The following NRG3 variants were observed in gnomAD, a reference collection of about 807,000 sequenced individuals.
NRG3 encodes pro-neuregulin-3, membrane-bound isoform.
Under a neutral mutation model 66.9 loss-of-function variants are expected in NRG3, and 31 were observed. The ratio of observed to expected loss-of-function variants is 0.46; its 90% CI spans 0.35 to 0.63. The LOEUF is 0.63. Among genes scored for constraint, NRG3 ranks in the 20% least tolerant of loss-of-function variants. The pLI is 0.00. For synonymous variants in NRG3, 393 were observed against 359.4 expected (o/e 1.09, Z -1.06); for missense variants, 910 against 878.9 (o/e 1.04, Z -0.45).
chr10:81,879,875 A>C (rs1454411201), intron 1 of NRG3, among the ~76,000 whole-genome samples: 1 of 152,200 alleles, frequency 6.6e-6, no homozygotes, highest in Non-Finnish European at 1.5e-5. Context: ...TGTTTAAATA[A>C]AGTTACTTCT....
intron 1 of NRG3, among the ~76,000 whole-genome samples, chr10:82,300,759 G>T (rs916151939): frequency 6.6e-6 from 1 of 151,998 alleles, no homozygotes; most frequent in African/African-American, 2.4e-5. Context: ...TTATGAAATG[G>T]TTGAATTTCA....
intron 1 of NRG3, among the ~76,000 whole-genome samples, chr10:82,331,388 T>G (rs1225671931): frequency 6.6e-6 from 1 of 152,196 alleles, no homozygotes; most frequent in East Asian, 1.9e-4. Context: ...TGGACCACAC[T>G]ATAAAAATTC....
At chr10:82,190,520 T>G (rs1019103035) in intron 1 of NRG3, among the ~76,000 whole-genome samples, 1 of 152,198 alleles carries the variant, frequency 6.6e-6, no homozygotes, top group Non-Finnish European at 1.5e-5. Context: ...TAAAAACATG[T>G]GATTTTTCCT....
intron 3 of NRG3, among the ~76,000 whole-genome samples, chr10:82,804,597 T>C (rs535567138): frequency 1.3e-5 from 2 of 152,318 alleles, no homozygotes; most frequent in East Asian, 3.9e-4. Context: ...AGAAAATCAA[T>C]TATCTTCTTC....
At position 82,474,926 on chromosome 10, in the gene NRG3, C is replaced by T. The variant is rs1841624762; in HGVS notation, c.953+116058C>T. On this transcript the variant is annotated intron_variant, in intron 2 of 8. Coordinates refer to ENST00000372141, the MANE Select transcript of NRG3 (RefSeq NM_001010848.4). ...CTTCTAAGATTATCAGCATATTTCT[C>T]TTGAGAAACACTGCAGGCCAGAGGG... 1.3e-5 allele frequency among the ~76,000 whole-genome samples: 2 copies of T among 151,664 alleles called. 1 individual carries two copies. The highest frequency in any genetic ancestry group is 1.3e-4 in the Admixed American group (2 of 15,218).
intron 1 of NRG3, among the ~76,000 whole-genome samples, chr10:82,203,768 G>C (rs140463869): frequency 6.6e-6 from 1 of 152,106 alleles, no homozygotes; most frequent in Non-Finnish European, 1.5e-5. Flanking sequence ...GATGTTCTTT[G>C]ATGAACAAGG....
intron 2 of NRG3, among the ~76,000 whole-genome samples, chr10:82,362,124 C>T (rs561411842): frequency 8.6e-6 from 1 of 116,264 alleles, no homozygotes; most frequent in African/African-American, 3.5e-5. Context: ...AATAATAATC[C>T]CAGAAAAGGG....
intron 1 of NRG3, among the ~76,000 whole-genome samples, chr10:81,877,165 T>G (rs1271036630): frequency 6.6e-6 from 1 of 152,212 alleles, no homozygotes; most frequent in East Asian, 1.9e-4. Context: ...TTTATTTGTA[T>G]AGAAAGTGCG....
chr10:82,095,642 G>A (rs2066291154), intron 1 of NRG3, among the ~76,000 whole-genome samples: 1 of 152,178 alleles, frequency 6.6e-6, no homozygotes, highest in African/African-American at 2.4e-5. Flanking sequence ...TGAACTAGCT[G>A]CTGGGAAAGG....
intron 4 of NRG3, among the ~76,000 whole-genome samples, chr10:82,939,329 C>A (rs1848364990): frequency 6.6e-6 from 1 of 152,138 alleles, no homozygotes; most frequent in African/African-American, 2.4e-5. Context: ...CCTTAAATAT[C>A]AACTTTAACT....
At chr10:82,716,971 C>T (rs1350398619) in intron 2 of NRG3, among the ~76,000 whole-genome samples, 1 of 152,098 alleles carries the variant, frequency 6.6e-6, no homozygotes, top group Non-Finnish European at 1.5e-5. Context: ...TCTATTTAAT[C>T]AGTGAAAATA....
intron 1 of NRG3, among the ~76,000 whole-genome samples, chr10:82,056,600 A>G (rs1469869480): frequency 6.6e-6 from 1 of 152,024 alleles, no homozygotes; most frequent in Non-Finnish European, 1.5e-5. Flanking sequence ...AGAGCCAGGA[A>G]CTACAGTCTT....
chr10:81,956,849 G>T (rs1411216727), intron 1 of NRG3, among the ~76,000 whole-genome samples: 5 of 152,006 alleles, frequency 3.3e-5, no homozygotes, highest in African/African-American at 1.2e-4. Flanking sequence ...TGTGCTACCT[G>T]GTGTCTTTTT....
At chr10:82,011,443 C>T (rs2132638893) in intron 1 of NRG3, among the ~76,000 whole-genome samples, 1 of 152,206 alleles carries the variant, frequency 6.6e-6, no homozygotes, top group African/African-American at 2.4e-5. Context: ...ACCCCCGGCC[C>T]CTCTCAAATC....
At chr10:81,938,359 G>C (rs1337223832) in intron 1 of NRG3, among the ~76,000 whole-genome samples, 1 of 151,004 alleles carries the variant, frequency 6.6e-6, no homozygotes, top group East Asian at 1.9e-4. Flanking sequence ...CCATGGCCAT[G>C]GGATATCATG....
intron 3 of NRG3, among the ~76,000 whole-genome samples, chr10:82,823,360 C>A (rs1010915398): frequency 6.6e-6 from 1 of 152,130 alleles, no homozygotes. Flanking sequence ...CAGGGATAGG[C>A]TTTGGGAACC....
chr10:82,082,909 A>G (rs993739218), intron 1 of NRG3, among the ~76,000 whole-genome samples: 2 of 151,984 alleles, frequency 1.3e-5, no homozygotes, highest in African/African-American at 4.8e-5. Flanking sequence ...TAGTCTGAAC[A>G]TGACCACTTT....
chr10:81,925,315 A>C (rs1846661057), intron 1 of NRG3, among the ~76,000 whole-genome samples: 4 of 152,200 alleles, frequency 2.6e-5, no homozygotes, highest in African/African-American at 9.6e-5. Context: ...TGTGCAACAG[A>C]ATATAGAATT....
intron 2 of NRG3, among the ~76,000 whole-genome samples, chr10:82,702,486 G>A (rs1234383140): frequency 6.6e-6 from 1 of 152,146 alleles, no homozygotes; most frequent in Non-Finnish European, 1.5e-5. Flanking sequence ...TATTTTAGGA[G>A]TATTGTGCAT....
Sources: allele counts gnomAD v4.1 joint callset (sites outside exome capture counted in the v4.1 genomes callset), GRCh38; gene constraint gnomAD v4.1.1; transcripts MANE v1.5; gene names NCBI Gene and HGNC (gene_info 2026-07-23, HGNC 2026-07-21).